Variants in CUTA observed in about 807,000 individuals in gnomAD.
CUTA encodes protein CutA.
In CUTA, 21 loss-of-function variants were observed where a neutral mutation model predicts 20.7. The observed-to-expected ratio is 1.01, with a 90% CI of 0.72 to 1.46. CUTA has a LOEUF of 1.46. Among genes scored for constraint, CUTA ranks in the 40% most tolerant of loss-of-function variants. CUTA has a pLI of 0.00. For missense variants in CUTA, 231 were observed against 226.8 expected (o/e 1.02, Z -0.12); for synonymous variants, 99 against 97.9 (o/e 1.01, Z -0.07).
Position 33,416,752 on chromosome 6 carries a change from G to A in CUTA, c.438C>T (p.Ala146=), listed in dbSNP as rs1332185363. 3 of 1,613,934 alleles carry A rather than the reference G, an allele frequency of 1.9e-6. No individual in the cohort carries two copies. Among genetic ancestry groups the A allele is most frequent in the African/African-American group, 1.3e-5 (1 of 74,864 alleles). Residue 146 remains alanine (A), a synonymous_variant, in exon 6 of 6, where the codon GCC becomes GCT. Transcript: ENST00000488034. ...GTTCCACAGGCAATGCAATTACCTC[G>A]GCCACTTCGTAAGGGTGCACAGAAC... ...FVRSVHPYEV[A]EVIALPVEQG... is the part of the protein sequence containing the mutation.
At position 33,416,932 on chromosome 6, in the gene CUTA, G is replaced by C. The variant is rs140068887; in HGVS notation, c.401C>G (p.Thr134Arg). The change falls in exon 5 of 6, where the codon ACA (threonine) becomes AGA (arginine). Residue 134 changes from threonine to arginine, a missense_variant. By Grantham distance (71) the Thr-to-Arg change is moderately conservative. Transcript: ENST00000488034. ...TCAAAGTTCTCACCGAACAAAATCTGTCAAAGCTGGGACCAAGGAACTTTG... is the reference window on the plus strand; with the variant it reads ...TCAAAGTTCTCACCGAACAAAATCTCTCAAAGCTGGGACCAAGGAACTTTG... ...KTQSSLVPAL[T>R]DFVRSVHPYE... 3.9e-5 allele frequency: 63 copies of C among 1,614,160 alleles called. 3 individuals carry two copies. The Middle Eastern group carries it at 1.2e-3, about 30-fold the overall frequency.
In CUTA at chr6:33,417,093, T is replaced by C. The variant is rs762230304; in HGVS notation, c.363+4A>G. 6 of 1,611,676 alleles carry C rather than the reference T, an allele frequency of 3.7e-6. No homozygotes were observed. Among genetic ancestry groups the C allele is most frequent in the South Asian group, 3.3e-5 (3 of 90,928 alleles). The stretch of plus-strand genomic sequence containing the variant: ...TTTTGTTGGGTGGGGGAAATGTTTC[T>C]CACCATCAGCACCTCACTGTCTTCC... On this transcript the variant is annotated splice_donor_region_variant and intron_variant, in intron 4 of 5. Coordinates refer to ENST00000488034, the MANE Select transcript of CUTA (RefSeq NM_001014840.2).
rs1271123141 is a variant in CUTA, at chr6:33,416,674, A to C, written c.516T>G (p.Ser172=). 2 of 1,608,070 alleles carry C rather than the reference A, an allele frequency of 1.2e-6. No homozygotes were observed. Among genetic ancestry groups the C allele is most frequent in the Non-Finnish European group, 1.7e-6 (2 of 1,174,588 alleles). Residue 172 remains serine, a synonymous_variant, in exon 6 of 6, where the codon TCT becomes TCG. Transcript: ENST00000488034. ...ATCATGGCAGGACTGTGATAGAGTC[A>C]GAAACTGACTCTGTGACCTGGCGCA... ...QWVRQVTESV[S]DSITVLP
rs540282025 is a variant in CUTA, at chr6:33,416,603, C to T, written c.*47G>A. ...CAGTCATCACCTGGAAGTCAGAAGG[C>T]GTTGAAGTATCGCGGGGATCTTCAT... On this transcript the variant is annotated 3_prime_UTR_variant, in exon 6 of 6. Coordinates refer to ENST00000488034, the MANE Select transcript of CUTA (RefSeq NM_001014840.2). 2.3e-5 allele frequency: 25 copies of T among 1,092,540 alleles called. No homozygotes were observed. Among genetic ancestry groups the T allele is most frequent in the African/African-American group, 3.1e-5 (2 of 64,788 alleles). The allele number at this position is 1,092,540 out of a possible 1,614,324, so 67.7% of individuals were successfully genotyped here.
rs41267649 is a variant in CUTA, at chr6:33,416,696, C to T, written c.494G>A (p.Arg165His). ...GTCAGAAACTGACTCTGTGACCTGG[C>T]GCACCCACTGCAGGTACGGAAAGTT... ...QGNFPYLQWV[R>H]QVTESVSDSI... The change falls in exon 6 of 6, where the codon CGC becomes CAC. Residue 165 changes from arginine (R) to histidine (H), a missense_variant. Arg to His is a conservative substitution (Grantham distance 29). Transcript: ENST00000488034. The T allele has an allele frequency of 0.021, 34,044 of 1,613,308 alleles. 497 individuals are homozygous for T. The highest frequency in any genetic ancestry group is 0.026 in the Non-Finnish European group (30,289 of 1,179,326).
intron 5 of CUTA, 26 bp downstream of exon 5, chr6:33,416,894 C>CA: frequency 6.2e-7 from 1 of 1,613,912 alleles, no homozygotes; most frequent in Non-Finnish European, 8.5e-7. Context: ...TACACACCCT[C>CA]ACCCCATCCA....
Position 33,417,962 on chromosome 6 carries a change from T to A in CUTA, c.39A>T (p.Gly13=). ...GGRAPAVLLG[G]VASLLLSFVW... is the part of the protein sequence containing the mutation. ...CGGGGCGGGGCCGGTCACTCACCAC[T>A]CCGCCGAGCAGGACCGCGGGAGCCC... Residue 13 remains glycine (G), a synonymous_variant, in exon 1 of 6, where the codon GGA becomes GGT. Transcript: ENST00000488034. The A allele has an allele frequency of 6.3e-7, 1 of 1,595,904 alleles. No individual in the cohort carries two copies. The highest frequency in any genetic ancestry group is 8.5e-7 in the Non-Finnish European group (1 of 1,171,988).
At position 33,416,920 on chromosome 6, in the gene CUTA, C is replaced by T; in HGVS notation, c.413G>A (p.Arg138His). The change falls in exon 5 of 6, where the codon CGT (arginine) becomes CAT (histidine). Residue 138 changes from arginine (R) to histidine (H), a missense_variant and splice_region_variant. Transcript: ENST00000488034. ...ACCCCATCCATCTCAAAGTTCTCAC[C>T]GAACAAAATCTGTCAAAGCTGGGAC... ...SLVPALTDFV[R>H]SVHPYEVAEV... is the part of the protein sequence containing the mutation. 1 of 1,614,070 alleles carries T rather than the reference C, an allele frequency of 6.2e-7. No homozygotes were observed. Among genetic ancestry groups the T allele is most frequent in the Non-Finnish European group, 8.5e-7 (1 of 1,179,982 alleles).
Position 33,416,587 on chromosome 6 carries a change from C to G in CUTA, c.*63G>C, listed in dbSNP as rs1238099129. The G allele has an allele frequency of 1.0e-6, 1 of 993,492 alleles. No individual in the cohort carries two copies. Among genetic ancestry groups the G allele is most frequent in the African/African-American group, 1.6e-5 (1 of 62,708 alleles). 61.5% of individuals were successfully genotyped at this position (993,492 alleles called of 1,614,324 possible). ...GGATTTATTGGGGGCCCAGTCATCA[C>G]CTGGAAGTCAGAAGGCGTTGAAGTA... On this transcript the variant is annotated 3_prime_UTR_variant, in exon 6 of 6. Transcript: ENST00000488034.
chr6:33,417,801 C>A, intron 1 of CUTA, 106 bp from the exon 2 acceptor site: 2 of 1,543,768 alleles, frequency 1.3e-6, no homozygotes, highest in Non-Finnish European at 8.7e-7. Context: ...CTCTGATGCA[C>A]CCCCGAAGAA....
At chr6:33,416,853 C>T in intron 5 of CUTA, 67 bp downstream of exon 5, 1 of 1,607,108 alleles carries the variant, frequency 6.2e-7, no homozygotes, top group Non-Finnish European at 8.5e-7. Flanking sequence ...CACGCAAGCC[C>T]TAGACTGCCC....
Position 33,417,147 on chromosome 6 carries a change from A to C in CUTA, c.318-5T>G. 1 of 1,611,662 alleles carries C rather than the reference A, an allele frequency of 6.2e-7. No homozygotes were observed. Among genetic ancestry groups the C allele is most frequent in the Non-Finnish European group, 8.5e-7 (1 of 1,178,196 alleles). On this transcript the variant is annotated splice_polypyrimidine_tract_variant and splice_region_variant and intron_variant, in intron 3 of 5. Transcript: ENST00000488034. ...ATCTTCCCTTTCCACTCATAGCTGA[A>C]AGGTCAGAGGGGGAGAGTTGTGGGG...
In CUTA at chr6:33,416,532, A is replaced by C. The variant is rs183773510; in HGVS notation, c.*118T>G. 58 of 718,958 alleles carry C rather than the reference A, an allele frequency of 8.1e-5. No individual in the cohort carries two copies. The East Asian group carries it at 1.4e-3, about 17-fold the overall frequency. The allele number at this position is 718,958 out of a possible 1,614,324, so 44.5% of individuals were successfully genotyped here. On this transcript the variant is annotated 3_prime_UTR_variant, in exon 6 of 6. Transcript: ENST00000488034. Reference sequence around the variant, plus strand: ...AACAAATTTGCATACATGACAAAAAACAGGCAAAAGGCAGAGAGACCCAAA... The same window carrying C: ...AACAAATTTGCATACATGACAAAAACCAGGCAAAAGGCAGAGAGACCCAAA...
chr6:33,416,811 C>CA (rs1484526660), intron 5 of CUTA, 35 bp from the exon 6 acceptor site: 4 of 1,610,924 alleles, frequency 2.5e-6, no homozygotes, highest in Admixed American at 1.7e-5. Context: ...GGGGATCACT[C>CA]AAAGATTTAC....
At position 33,416,730 on chromosome 6, in the gene CUTA, C is replaced by G. The variant is rs1471144924; in HGVS notation, c.460G>C (p.Glu154Gln). The part of the protein sequence containing the change: ...EVAEVIALPV[E>Q]QGNFPYLQWV... ...TGCAGGTACGGAAAGTTCCCCTGTTCCACAGGCAATGCAATTACCTCGGCC... is the reference window on the plus strand; with the variant it reads ...TGCAGGTACGGAAAGTTCCCCTGTTGCACAGGCAATGCAATTACCTCGGCC... The change falls in exon 6 of 6, where the codon GAA becomes CAA. Residue 154 changes from glutamate (E) to glutamine (Q), a missense_variant. Transcript: ENST00000488034. The G allele has an allele frequency of 1.1e-5, 17 of 1,614,014 alleles. No individual in the cohort carries two copies. The highest frequency in any genetic ancestry group is 1.6e-4 in the Middle Eastern group (1 of 6,084).
chr6:33,416,806 T>C (rs765615074), intron 5 of CUTA, 30 bp from the exon 6 acceptor site: 4 of 1,611,370 alleles, frequency 2.5e-6, no homozygotes, highest in Non-Finnish European at 3.4e-6. Context: ...GGGAAGGGGA[T>C]CACTCAAAGA....
rs763802524 is a variant in CUTA, at chr6:33,416,786, A to G, written c.414-10T>C. 66 of 1,613,162 alleles carry G rather than the reference A, an allele frequency of 4.1e-5. No homozygotes were observed. The highest frequency in any genetic ancestry group is 5.3e-5 in the Non-Finnish European group (63 of 1,179,356). On this transcript the variant is annotated splice_polypyrimidine_tract_variant and intron_variant, in intron 5 of 5. Transcript: ENST00000488034. Reference sequence around the variant, plus strand: ...GTAAGGGTGCACAGAACTACAAAATAGGTGGGTGGGGGAAGGGGATCACTC... The same window carrying G: ...GTAAGGGTGCACAGAACTACAAAATGGGTGGGTGGGGGAAGGGGATCACTC...
Position 33,417,681 on chromosome 6 carries a change from C to CAGGA in CUTA, c.53_56dup (p.Ser20ProfsTer90), listed in dbSNP as rs1776597767. 2 of 1,609,382 alleles carry CAGGA rather than the reference C, an allele frequency of 1.2e-6. No individual in the cohort carries two copies. The highest frequency in any genetic ancestry group is 3.3e-5 in the Admixed American group (2 of 59,722). On this transcript the variant is annotated frameshift_variant, in exon 2 of 6. Transcript: ENST00000488034. LOFTEE classifies it high-confidence loss of function. The stretch of plus-strand genomic sequence containing the variant: ...GCAGCGCCGGCATCCAAACAAAAGA[C>CAGGA]AGGAGCAGAGAGGCCTGAGAGCAGG...
rs1562862732 is a variant in CUTA at position 33,417,466 on chromosome 6, C to T, written c.257+15G>A. On this transcript the variant is annotated intron_variant, in intron 2 of 5. Transcript: ENST00000488034. ...TTCATGATCATCCTTTCTCGCTGCA[C>T]ATCGAGGTCCCTACCTGGCGATCTC... 6.2e-7 allele frequency: 1 copy of T among 1,613,946 alleles called. No homozygotes were observed. The highest frequency in any genetic ancestry group is 1.1e-5 in the South Asian group (1 of 91,080).
Sources: allele counts gnomAD v4.1 joint callset, GRCh38; gene constraint gnomAD v4.1.1; transcripts MANE v1.5; gene names NCBI Gene and HGNC (gene_info 2026-07-23, HGNC 2026-07-21).